TENM3: variants seen among roughly 807,000 people sequenced by gnomAD.
TENM3 encodes teneurin-3.
A neutral mutation model predicts 255.1 loss-of-function variants in TENM3; 63 were observed. The observed-to-expected ratio is 0.25, with a 90% CI of 0.20 to 0.30. TENM3 has a LOEUF of 0.30. Among genes scored for constraint, TENM3 ranks in the 10% least tolerant of loss-of-function variants. TENM3 has a pLI of 1.00. For missense variants in TENM3, 2,929 were observed against 3,461.1 expected (o/e 0.85, Z 3.86); for synonymous variants, 1,306 against 1,322.3 (o/e 0.99, Z 0.27).
At chr4:182,439,046 C>T (rs1265657808) in intron 3 of TENM3, among the ~76,000 whole-genome samples, 1 of 152,188 alleles carries the variant, frequency 6.6e-6, no homozygotes, top group Non-Finnish European at 1.5e-5. Flanking sequence ...TTTGCCATGG[C>T]CTCAGGAGTT....
At chr4:181,546,554 A>T in the TENM3 span, among the ~76,000 whole-genome samples, 2 of 131,490 alleles carry the variant, frequency 1.5e-5, no homozygotes, top group African/African-American at 5.3e-5. Context: ...TCTCTACTAA[A>T]AATACAAAAA....
chr4:181,947,865 T>G, the TENM3 span, among the ~76,000 whole-genome samples: 1 of 152,176 alleles, frequency 6.6e-6, no homozygotes, highest in Non-Finnish European at 1.5e-5. Flanking sequence ...ATGGGTCAAG[T>G]TCTCTTAACT....
chr4:182,660,608 G>C (rs2309697), intron 6 of TENM3, among the ~76,000 whole-genome samples: 152,095 of 152,394 alleles, frequency 1, 75,899 homozygotes, highest in Middle Eastern at 1. Context: ...AGACACTTCT[G>C]CAAATCAGCA....
the TENM3 span, among the ~76,000 whole-genome samples, chr4:182,087,569 G>T: frequency 0.025 from 3,819 of 152,224 alleles, 84 homozygotes; most frequent in South Asian, 0.069. Flanking sequence ...TAATGTTAAT[G>T]AAGGATGGAA....
chr4:182,274,099 A>G (rs1438473630), intron 1 of TENM3, among the ~76,000 whole-genome samples: 1 of 152,214 alleles, frequency 6.6e-6, no homozygotes, highest in Non-Finnish European at 1.5e-5. Context: ...GGGCAAACTG[A>G]AAAGGAAATG....
intron 1 of TENM3, among the ~76,000 whole-genome samples, chr4:182,207,816 C>G (rs1461434538): frequency 6.6e-6 from 1 of 152,178 alleles, no homozygotes; most frequent in Non-Finnish European, 1.5e-5. Context: ...TTTAGACTTT[C>G]ATCTTTTGTA....
intron 3 of TENM3, among the ~76,000 whole-genome samples, chr4:182,542,549 T>C (rs6858859): frequency 0.017 from 2,638 of 152,252 alleles, 95 homozygotes; most frequent in African/African-American, 0.06. Flanking sequence ...AGTTTTGTTA[T>C]AGTTTCCCTA....
the TENM3 span, among the ~76,000 whole-genome samples, chr4:181,757,876 G>T: frequency 2.0e-5 from 3 of 152,130 alleles, no homozygotes; most frequent in Non-Finnish European, 2.9e-5. Flanking sequence ...AGCTTGTGCT[G>T]GAAGCATCTG....
intron 1 of TENM3, among the ~76,000 whole-genome samples, chr4:182,289,621 T>G (rs1760980798): frequency 6.6e-6 from 1 of 152,244 alleles, no homozygotes; most frequent in African/African-American, 2.4e-5. Flanking sequence ...CATATACATA[T>G]TTTGTTCTTT....
the TENM3 span, among the ~76,000 whole-genome samples, chr4:182,132,960 A>G: frequency 8.5e-5 from 13 of 152,222 alleles, no homozygotes; most frequent in African/African-American, 3.1e-4. Flanking sequence ...TGAGGACCAC[A>G]TGAGACAATG....
intron 1 of TENM3, among the ~76,000 whole-genome samples, chr4:182,313,707 T>C (rs1762581235): frequency 6.6e-6 from 1 of 152,140 alleles, no homozygotes; most frequent in Non-Finnish European, 1.5e-5. Context: ...TATTAAACAG[T>C]GCTTAGGGGA....
At chr4:181,880,816 C>A in the TENM3 span, among the ~76,000 whole-genome samples, 1 of 152,136 alleles carries the variant, frequency 6.6e-6, no homozygotes, top group African/African-American at 2.4e-5. Flanking sequence ...AAGCCCTTCT[C>A]CTTGTGACAA....
intron 5 of TENM3, among the ~76,000 whole-genome samples, chr4:182,644,822 T>G (rs1054567592): frequency 2.0e-5 from 3 of 152,094 alleles, no homozygotes; most frequent in Admixed American, 6.5e-5. Flanking sequence ...CAAGACAACC[T>G]AAAAAGATGC....
At chr4:181,466,363 G>A in the TENM3 span, among the ~76,000 whole-genome samples, 2 of 151,928 alleles carry the variant, frequency 1.3e-5, no homozygotes, top group African/African-American at 2.4e-5. Context: ...TGATCCACCC[G>A]CCTCGGCCTC....
At chr4:182,314,162 G>A (rs753920472) in intron 1 of TENM3, among the ~76,000 whole-genome samples, 5 of 152,086 alleles carry the variant, frequency 3.3e-5, no homozygotes, top group African/African-American at 4.8e-5. Context: ...TTAGCCGGGC[G>A]CTTTGGCAAG....
intron 1 of TENM3, among the ~76,000 whole-genome samples, chr4:182,167,176 G>C (rs975130993): frequency 6.6e-5 from 10 of 152,148 alleles, no homozygotes; most frequent in African/African-American, 2.4e-4. Flanking sequence ...TACAATGGCT[G>C]GCATTTTCAC....
intron 3 of TENM3, among the ~76,000 whole-genome samples, chr4:182,515,289 G>A (rs1328434542): frequency 6.6e-6 from 1 of 152,132 alleles, no homozygotes; most frequent in Non-Finnish European, 1.5e-5. Flanking sequence ...AAATCCAAGT[G>A]AAAACTTTGG....
At chr4:182,527,506 C>A (rs921549184) in intron 3 of TENM3, among the ~76,000 whole-genome samples, 2 of 149,838 alleles carry the variant, frequency 1.3e-5, no homozygotes, top group African/African-American at 4.9e-5. Flanking sequence ...AAAAAAAAAA[C>A]CTAATGATGT....
At chr4:181,565,184 G>T in the TENM3 span, among the ~76,000 whole-genome samples, 3 of 152,154 alleles carry the variant, frequency 2.0e-5, no homozygotes, top group Non-Finnish European at 4.4e-5. Flanking sequence ...GTTAAAGACT[G>T]CTCTTTCTCC....
Sources: gnomAD v4.1 joint callset for allele counts (sites outside exome capture counted in the v4.1 genomes callset) on GRCh38, gnomAD v4.1.1 for gene constraint, MANE v1.5 for transcripts, NCBI Gene and HGNC (gene_info 2026-07-23, HGNC 2026-07-21) for gene names.